The following RIMS2 variants were observed in gnomAD, a reference collection of about 807,000 sequenced individuals.
The protein encoded by RIMS2 is regulating synaptic membrane exocytosis protein 2.
Under a neutral mutation model 174.4 loss-of-function variants are expected in RIMS2, and 59 were observed. The observed-to-expected ratio is 0.34, with a 90% CI of 0.27 to 0.42. The LOEUF (loss-of-function observed/expected upper bound fraction) is 0.42, where lower values mean the gene tolerates loss of function less well. Ranked by LOEUF, RIMS2 falls within the 10% of genes least tolerant of loss-of-function variation. The probability of loss-of-function intolerance (pLI) is 1.00; values close to 1 mark genes in which losing one functional copy is unlikely to be tolerated. For missense variants in RIMS2, 1,620 were observed against 1,666.3 expected (o/e 0.97, Z 0.48); for synonymous variants, 606 against 572.5 (o/e 1.06, Z -0.84).
intron 1 of RIMS2, among the ~76,000 whole-genome samples, chr8:103,503,443 A>T (rs2130827058): frequency 6.6e-6 from 1 of 152,108 alleles, no homozygotes; most frequent in African/African-American, 2.4e-5. Flanking sequence ...ACAAATACAT[A>T]AGAAAAATAA....
At chr8:103,616,548 G>T (rs964037912) in intron 1 of RIMS2, among the ~76,000 whole-genome samples, 3 of 152,060 alleles carry the variant, frequency 2.0e-5, no homozygotes, top group African/African-American at 7.2e-5. Flanking sequence ...AGAAATAATG[G>T]GCATCCAGAT....
intron 1 of RIMS2, among the ~76,000 whole-genome samples, chr8:103,511,597 G>A (rs561623409): frequency 1.3e-5 from 2 of 152,200 alleles, no homozygotes; most frequent in African/African-American, 4.8e-5. Context: ...CAGGGTTTAG[G>A]ATATAATCAG....
chr8:103,719,578 A>G (rs537389589), intron 2 of RIMS2, among the ~76,000 whole-genome samples: 3 of 152,344 alleles, frequency 2.0e-5, no homozygotes, highest in African/African-American at 7.2e-5. Flanking sequence ...TTAGTAGTAA[A>G]TTACTATGAA....
At chr8:103,723,042 G>A (rs948335738) in intron 2 of RIMS2, among the ~76,000 whole-genome samples, 1 of 152,142 alleles carries the variant, frequency 6.6e-6, no homozygotes, top group Non-Finnish European at 1.5e-5. Context: ...AACCCAGGAG[G>A]TGGAGGTTGC....
At chr8:103,519,506 G>C (rs1477484799) in intron 1 of RIMS2, among the ~76,000 whole-genome samples, 1 of 151,918 alleles carries the variant, frequency 6.6e-6, no homozygotes, top group Non-Finnish European at 1.5e-5. Context: ...ACATTTCTCA[G>C]CTTTGTCCCA....
chr8:103,857,046 A>G (rs1258808558), intron 3 of RIMS2, among the ~76,000 whole-genome samples: 1 of 152,260 alleles, frequency 6.6e-6, no homozygotes, highest in East Asian at 1.9e-4. Context: ...ATATCATTAC[A>G]TTGAACTTTG....
At chr8:104,249,416 A>G (rs1436108693) in intron 21 of RIMS2, 71 bp from the exon 28 acceptor site, 5 of 727,406 alleles carry the variant, frequency 6.9e-6, no homozygotes, top group East Asian at 2.6e-5. Flanking sequence ...TGTTAAACCA[A>G]GGTCTTTGAC....
chr8:103,955,436 C>G (rs2086829072), intron 14 of RIMS2, among the ~76,000 whole-genome samples: 1 of 152,208 alleles, frequency 6.6e-6, no homozygotes, highest in Admixed American at 6.5e-5. Flanking sequence ...GGATTCAAGG[C>G]TGGTTCAACA....
At chr8:103,793,523 G>T (rs2098520783) in intron 3 of RIMS2, among the ~76,000 whole-genome samples, 2 of 152,278 alleles carry the variant, frequency 1.3e-5, no homozygotes, top group South Asian at 4.1e-4. Context: ...ACTGGCACAA[G>T]ACAGGGATGC....
intron 19 of RIMS2, among the ~76,000 whole-genome samples, chr8:104,058,003 A>G (rs2154559807): frequency 6.6e-6 from 1 of 151,956 alleles, no homozygotes; most frequent in African/African-American, 2.4e-5. Flanking sequence ...CATCTTTGCT[A>G]TTGTGAATGG....
At chr8:104,044,957 A>C (rs1401316921) in intron 19 of RIMS2, among the ~76,000 whole-genome samples, 1 of 151,850 alleles carries the variant, frequency 6.6e-6, no homozygotes, top group African/African-American at 2.4e-5. Context: ...GGAAGCAGTA[A>C]ATTTTGTGAC....
chr8:103,874,973 T>C (rs2099128913), intron 3 of RIMS2, among the ~76,000 whole-genome samples: 1 of 152,082 alleles, frequency 6.6e-6, no homozygotes. Context: ...TTTGTTTGTT[T>C]GTTTCTTTTG....
intron 3 of RIMS2, among the ~76,000 whole-genome samples, chr8:103,769,507 GTA>G (rs2098223652): frequency 6.6e-6 from 1 of 152,068 alleles, no homozygotes; most frequent in Admixed American, 6.6e-5. Context: ...TGTATTTTTA[GTA>G]GAGACAGGGT....
intron 3 of RIMS2, among the ~76,000 whole-genome samples, chr8:103,829,920 A>G (rs999045282): frequency 3.9e-5 from 6 of 152,212 alleles, no homozygotes; most frequent in Non-Finnish European, 8.8e-5. Context: ...GAAGAATTCA[A>G]TTTCTTTAAG....
chr8:104,223,669 G>C (rs2099167517), intron 19 of RIMS2: 3 of 1,589,626 alleles, frequency 1.9e-6, no homozygotes, highest in East Asian at 4.5e-5. Context: ...GGCAGGGCTT[G>C]GGGGGTGCCA....
At chr8:104,222,287 A>G (rs1048224821) in intron 19 of RIMS2, among the ~76,000 whole-genome samples, 10 of 152,112 alleles carry the variant, frequency 6.6e-5, no homozygotes, top group African/African-American at 2.4e-4. Context: ...AACATCTACC[A>G]TGGTACCTGG....
At chr8:103,816,255 T>A (rs1006188214) in intron 3 of RIMS2, among the ~76,000 whole-genome samples, 1 of 151,996 alleles carries the variant, frequency 6.6e-6, no homozygotes, top group African/African-American at 2.4e-5. Context: ...AGCAAAAAAA[T>A]AAATAAATAA....
At chr8:104,097,353 T>A (rs938997120) in intron 19 of RIMS2, among the ~76,000 whole-genome samples, 2 of 152,138 alleles carry the variant, frequency 1.3e-5, no homozygotes, top group East Asian at 1.9e-4. Flanking sequence ...TTTGTCTGCA[T>A]TGAATGATCA....
In RIMS2 at chr8:103,584,995, T is replaced by C. The variant is rs536255375; in HGVS notation, c.176+83933T>C. On this transcript the variant is annotated intron_variant, in intron 1 of 23. Coordinates refer to ENST00000504942, the Ensembl canonical transcript of RIMS2. The stretch of plus-strand genomic sequence containing the variant: ...TCTGTTGCCTAAAAGAAACACACTT[T>C]ACTTATAAAGACACACAGACTGAAA... 3.3e-5 allele frequency among the ~76,000 whole-genome samples: 5 copies of C among 152,314 alleles called. No homozygotes were observed. The East Asian group carries it at 9.6e-4, about 29-fold the overall frequency.
Sources: gnomAD v4.1 joint callset for allele counts (sites outside exome capture counted in the v4.1 genomes callset) on GRCh38, gnomAD v4.1.1 for gene constraint, MANE v1.5 for transcripts, NCBI Gene and HGNC (gene_info 2026-07-23, HGNC 2026-07-21) for gene names.